The following RADX variants were observed in gnomAD, a reference collection of about 807,000 sequenced individuals.
The protein encoded by RADX is RPA-related protein RADX.
RADX carries 36 observed loss-of-function variants against 61.6 expected under a neutral mutation model. That is an observed-to-expected ratio of 0.58 (90% CI 0.45 to 0.77). The LOEUF is 0.77. Ranked by LOEUF, RADX falls within the 30% of genes least tolerant of loss-of-function variation. The pLI is 0.00. For synonymous variants in RADX, 272 were observed against 237.9 expected (o/e 1.14, Z -1.32); for missense variants, 497 against 651.1 (o/e 0.76, Z 2.58).
At chrX:106,637,006 C>T (rs898026058) in intron 7 of RADX, among the ~76,000 whole-genome samples, 10 of 111,362 alleles carry the variant, frequency 9.0e-5, no homozygotes, top group Admixed American at 7.7e-4. Context: ...TTTTAAAATT[C>T]TAAATGAAAA....
chrX:106,618,803 A>G (rs1926872604), intron 1 of RADX, among the ~76,000 whole-genome samples: 1 of 110,700 alleles, frequency 9.0e-6, no homozygotes, highest in Admixed American at 9.6e-5. Context: ...CCTTGTCTCA[A>G]AAAATAAAAA....
chrX:106,651,282 C>T (rs1187780148), intron 11 of RADX, among the ~76,000 whole-genome samples: 1 of 110,921 alleles, frequency 9.0e-6, no homozygotes, highest in East Asian at 2.8e-4. Context: ...TTCCCAAAAA[C>T]AATAATGCTT....
At chrX:106,665,782 C>T (rs989502424) in intron 12 of RADX, among the ~76,000 whole-genome samples, 7 of 111,799 alleles carry the variant, frequency 6.3e-5, no homozygotes, top group Non-Finnish European at 1.3e-4. Context: ...TTATTTGGAC[C>T]ACAACTCTGT....
intron 3 of RADX, among the ~76,000 whole-genome samples, chrX:106,630,049 A>G (rs1927175882): frequency 8.9e-6 from 1 of 112,265 alleles, no homozygotes; most frequent in Admixed American, 9.4e-5. Flanking sequence ...GGGGCTGAGC[A>G]TGGTGGCTCA....
intron 1 of RADX, among the ~76,000 whole-genome samples, chrX:106,620,696 C>T (rs1188348788): frequency 1.8e-5 from 2 of 111,257 alleles, no homozygotes. Context: ...AAAAATAGCT[C>T]TTCAAGATCT....
chrX:106,632,428 G>A (rs994129546), intron 3 of RADX, among the ~76,000 whole-genome samples, 197 bp from the exon 4 acceptor site: 4 of 111,489 alleles, frequency 3.6e-5, no homozygotes, highest in African/African-American at 9.8e-5. Context: ...TCAAAGTGTG[G>A]TTAAACTTTT....
chrX:106,669,266 C>A lies in RADX; in HGVS notation c.2373C>A (p.Tyr791Ter), dbSNP rs1184976978. 1 of 1,204,324 alleles carries A rather than the reference C, an allele frequency of 8.3e-7. No homozygotes were observed. Among genetic ancestry groups the A allele is most frequent in the East Asian group, 3.0e-5 (1 of 33,802 alleles). Residue 791 changes from tyrosine (Y) to a stop codon, truncating the protein, a stop_gained, in exon 13 of 14, where the codon TAC becomes TAA. Transcript: ENST00000372548. LOFTEE classifies it high-confidence loss of function. ...ACACACTGTTGACCTCCATGAATTA[C>A]AGCTGTGCATATCCACAGGACACAA... is the stretch of plus-strand genomic sequence containing the variant. ...QIDTLLTSMN[Y>*]SCAYPQDTTG...
intron 6 of RADX, 29 bp downstream of exon 6, chrX:106,633,281 T>C: frequency 8.8e-7 from 1 of 1,138,682 alleles, no homozygotes; most frequent in Non-Finnish European, 1.2e-6. Context: ...TTTTATATTA[T>C]GTTTGGAAGT....
At chrX:106,618,488 T>C (rs1487461063) in intron 1 of RADX, among the ~76,000 whole-genome samples, 3 of 110,685 alleles carry the variant, frequency 2.7e-5, no homozygotes, top group Non-Finnish European at 5.7e-5. Context: ...TGAGAACCAC[T>C]GGCAAGCCGG....
intron 10 of RADX, 110 bp downstream of exon 10, chrX:106,640,831 C>A (rs927723328): frequency 7.7e-6 from 4 of 522,126 alleles, no homozygotes; most frequent in Non-Finnish European, 1.2e-5. Context: ...TTAGGGCCCC[C>A]ATAACAAAAT....
chrX:106,654,903 A>C (rs1212431682), intron 11 of RADX, among the ~76,000 whole-genome samples: 1 of 111,879 alleles, frequency 8.9e-6, no homozygotes, highest in African/African-American at 3.2e-5. Context: ...ATTTTTTAAA[A>C]CATTCAATCC....
intron 1 of RADX, among the ~76,000 whole-genome samples, chrX:106,615,347 G>A (rs1926776853): frequency 9.0e-6 from 1 of 111,479 alleles, no homozygotes; most frequent in South Asian, 3.8e-4. Flanking sequence ...GGCAAGATTT[G>A]GCTTGTGGGC....
At chrX:106,634,414 G>T (rs892766127) in intron 6 of RADX, among the ~76,000 whole-genome samples, 1 of 111,298 alleles carries the variant, frequency 9.0e-6, no homozygotes, top group African/African-American at 3.3e-5. Flanking sequence ...GATTACAGGC[G>T]TGAGCCACTG....
At chrX:106,637,376 G>T (rs749853276) in intron 7 of RADX, among the ~76,000 whole-genome samples, 1 of 112,351 alleles carries the variant, frequency 8.9e-6, no homozygotes, top group East Asian at 2.8e-4. Flanking sequence ...TTCATAGGAA[G>T]TTTCATTCAT....
At chrX:106,677,261 T>C (rs773278923) in intron 13 of RADX, among the ~76,000 whole-genome samples, 15 of 112,379 alleles carry the variant, frequency 1.3e-4, no homozygotes, top group Non-Finnish European at 2.6e-4. Flanking sequence ...TCTTCATGAC[T>C]GCCCCTTATC....
At chrX:106,642,604 T>C (rs1042325094) in intron 10 of RADX, among the ~76,000 whole-genome samples, 2 of 111,972 alleles carry the variant, frequency 1.8e-5, no homozygotes, top group Admixed American at 9.5e-5. Context: ...TATGGCTAAA[T>C]AGTACTCCAT....
chrX:106,664,983 G>C (rs1292068741), intron 12 of RADX, among the ~76,000 whole-genome samples: 1 of 111,195 alleles, frequency 9.0e-6, no homozygotes, highest in Non-Finnish European at 1.9e-5. Context: ...ATTCATTCAG[G>C]TACTATCTAC....
intron 11 of RADX, among the ~76,000 whole-genome samples, chrX:106,652,671 A>G (rs1927823081): frequency 9.7e-6 from 1 of 103,329 alleles, no homozygotes; most frequent in East Asian, 3.0e-4. Context: ...ATAATAGAAC[A>G]AGGAGACAAA....
rs144050913 is a variant in RADX at position 106,641,648 on chromosome X, G to A, written c.1904+927G>A. Among the ~76,000 whole-genome samples the A allele has an allele frequency of 8.9e-3, 992 of 110,915 alleles. 3 individuals carry two copies. Among genetic ancestry groups the A allele is most frequent in the Middle Eastern group, 0.014 (3 of 214 alleles). The stretch of plus-strand genomic sequence containing the variant: ...TTAAGGCTTCAGAATTATTCTCTTC[G>A]CCACAGTCTTATGTCCTCTGGGCTC... On this transcript the variant is annotated intron_variant, in intron 10 of 13. Coordinates refer to ENST00000372548, the MANE Select transcript of RADX (RefSeq NM_018015.6).
Sources: gnomAD v4.1 joint callset for allele counts (sites outside exome capture counted in the v4.1 genomes callset) on GRCh38, gnomAD v4.1.1 for gene constraint, MANE v1.5 for transcripts, NCBI Gene and HGNC (gene_info 2026-07-23, HGNC 2026-07-21) for gene names.